The following PTPRS variants were observed in gnomAD, a reference collection of about 807,000 sequenced individuals.
PTPRS encodes the protein protein tyrosine phosphatase receptor type S.
PTPRS carries 63 observed loss-of-function variants against 215.3 expected under a neutral mutation model. That is an observed-to-expected ratio of 0.29 (90% CI 0.24 to 0.36). The LOEUF (loss-of-function observed/expected upper bound fraction) is 0.36, where lower values mean the gene tolerates loss of function less well. PTPRS is among the 10% of genes least tolerant of loss of function. The pLI is 1.00. For missense variants in PTPRS, 2,258 were observed against 2,825.8 expected (o/e 0.80, Z 4.56); for synonymous variants, 1,404 against 1,191.4 (o/e 1.18, Z -3.68).
intron 9 of PTPRS, among the ~76,000 whole-genome samples, chr19:5,246,706 C>T (rs10415488): frequency 0.63 from 95,817 of 151,986 alleles, 30,517 homozygotes; most frequent in East Asian, 0.72. Context: ...CCCCAGTGAC[C>T]TGGGGCCCTG....
chr19:5,218,503 T>G lies in PTPRS; in HGVS notation c.3965A>C (p.Lys1322Thr). The G allele has an allele frequency of 6.2e-7, 1 of 1,614,110 alleles. No homozygotes were observed. Among genetic ancestry groups the G allele is most frequent in the Non-Finnish European group, 8.5e-7 (1 of 1,180,014 alleles). The change falls in exon 25 of 38, where the codon AAA becomes ACA. Residue 1322 changes from lysine to threonine, a missense_variant. Transcript: ENST00000262963. ...SKRKDSEPRT[K>T]CLLNNADLAP... ...GAGGTCGGCATTGTTCAGGAGGCAT[T>G]TGGTGCGGGGTTCTGAGTCCTTGCG... is the stretch of plus-strand genomic sequence containing the variant.
intron 33 of PTPRS, among the ~76,000 whole-genome samples, chr19:5,211,292 G>A (rs73543252): frequency 0.018 from 2,808 of 152,246 alleles, 78 homozygotes; most frequent in African/African-American, 0.061. Context: ...CCCCACCCAG[G>A]CAGTACCAGT....
At chr19:5,212,532 C>G in intron 30 of PTPRS, 41 bp from the exon 31 acceptor site, 1 of 1,544,934 alleles carries the variant, frequency 6.5e-7, no homozygotes, top group Middle Eastern at 1.7e-4. Context: ...CCGGCTCAAC[C>G]TGCCACCCAT....
intron 9 of PTPRS, among the ~76,000 whole-genome samples, chr19:5,249,355 A>G (rs1399021595): frequency 6.6e-6 from 1 of 152,176 alleles, no homozygotes; most frequent in African/African-American, 2.4e-5. Flanking sequence ...AACGAAATGG[A>G]AACAGTAAGA....
At position 5,229,351 on chromosome 19, in the gene PTPRS, G is replaced by A. The variant is rs772672236; in HGVS notation, c.2350-9C>T. 60 of 1,378,296 alleles carry A rather than the reference G, an allele frequency of 4.4e-5. No homozygotes were observed. The highest frequency in any genetic ancestry group is 4.8e-5 in the Non-Finnish European group (51 of 1,061,064). 85.4% of individuals were successfully genotyped at this position (1,378,296 alleles called of 1,614,324 possible). On this transcript the variant is annotated splice_polypyrimidine_tract_variant and intron_variant, in intron 15 of 37. Transcript: ENST00000262963. ...GTGTCATCCGTCTCCCACTGAGCGC[G>A]GGAGGAGGCGGCAGGGGAGAGAGGA...
intron 1 of PTPRS, among the ~76,000 whole-genome samples, chr19:5,309,138 GGAGA>G (rs1395955841): frequency 6.6e-6 from 1 of 152,152 alleles, no homozygotes; most frequent in Non-Finnish European, 1.5e-5. Flanking sequence ...CTCCGGGGGT[GGAGA>G]GAGAAGGGAG....
rs1485744651 is a variant in PTPRS at position 5,286,034 on chromosome 19, C to T, written c.91+16G>A. The T allele has an allele frequency of 3.7e-6, 6 of 1,609,096 alleles. No homozygotes were observed. The highest frequency in any genetic ancestry group is 5.1e-6 in the Non-Finnish European group (6 of 1,176,128). Reference sequence around the variant, plus strand: ...CAAACACGCAGACCCCTGCACATCCCGTGCCGGCTTCTTACCTTCTGCTGC... The same window carrying T: ...CAAACACGCAGACCCCTGCACATCCTGTGCCGGCTTCTTACCTTCTGCTGC... On this transcript the variant is annotated intron_variant, in intron 2 of 37. Transcript: ENST00000262963.
At chr19:5,265,542 G>A (rs981551047) in intron 4 of PTPRS, among the ~76,000 whole-genome samples, 1 of 152,044 alleles carries the variant, frequency 6.6e-6, no homozygotes, top group African/African-American at 2.4e-5. Flanking sequence ...GGGTCTCGCT[G>A]TGTTGTCCAG....
At position 5,339,656 on chromosome 19, in the gene PTPRS, A is replaced by G. The variant is rs1400593584; in HGVS notation, c.-95+1008T>C. 6.6e-6 allele frequency among the ~76,000 whole-genome samples: 1 copy of G among 151,804 alleles called. No individual in the cohort carries two copies. The highest frequency in any genetic ancestry group is 1.5e-5 in the Non-Finnish European group (1 of 67,886). Reference sequence around the variant, plus strand: ...GCAACCTGGCCGAACCCTCGCACCCACGGCGCGGGCACTCTAACCTGGGGG... The same window carrying G: ...GCAACCTGGCCGAACCCTCGCACCCGCGGCGCGGGCACTCTAACCTGGGGG... On this transcript the variant is annotated intron_variant, in intron 1 of 37. Coordinates refer to ENST00000262963, the MANE Select transcript of PTPRS (RefSeq NM_002850.4). The surrounding 1 kb of genome is among the most constrained non-coding windows in gnomAD (Gnocchi z 4.2).
At chr19:5,266,403 T>C (rs2046400373) in intron 4 of PTPRS, among the ~76,000 whole-genome samples, 1 of 152,310 alleles carries the variant, frequency 6.6e-6, no homozygotes, top group Middle Eastern at 3.4e-3. Flanking sequence ...ACAGGTATTT[T>C]ACAGGTATGA....
chr19:5,260,779 G>T, intron 7 of PTPRS, 26 bp downstream of exon 7: 1 of 1,613,352 alleles, frequency 6.2e-7, no homozygotes, highest in Non-Finnish European at 8.5e-7. Context: ...GAGCGTGAGT[G>T]GGTGGGTGAG....
At position 5,210,286 on chromosome 19, in the gene PTPRS, G is replaced by T. The variant is rs2040750895; in HGVS notation, c.5487+183C>A. Among the ~76,000 whole-genome samples the T allele has an allele frequency of 6.6e-6, 1 of 152,200 alleles. No homozygotes were observed. Among genetic ancestry groups the T allele is most frequent in the Non-Finnish European group, 1.5e-5 (1 of 68,040 alleles). On this transcript the variant is annotated intron_variant, in intron 35 of 37. Coordinates refer to ENST00000262963, the MANE Select transcript of PTPRS (RefSeq NM_002850.4). This position sits in a 1 kb window ranked among gnomAD's most constrained non-coding sequence, Gnocchi z 4.5. ...GGAGACACTGCAGGGTCAGCACAGA[G>T]ATAAGACCCTCTCTTCCACCTATGT...
At chr19:5,308,414 CT>C (rs1165632630) in intron 1 of PTPRS, among the ~76,000 whole-genome samples, 6 of 152,224 alleles carry the variant, frequency 3.9e-5, no homozygotes, top group African/African-American at 1.4e-4. Flanking sequence ...GCATCAGTCA[CT>C]ATAGTGTCCC....
chr19:5,244,109 G>A lies in PTPRS; in HGVS notation c.1362C>T (p.Asn454=), dbSNP rs575771724. The A allele has an allele frequency of 1.9e-5, 31 of 1,608,438 alleles. No homozygotes were observed. In the South Asian group the frequency reaches 2.6e-4, roughly 14 times the overall value. Reference sequence around the variant, plus strand: ...AGACGCGGTAGCCGCGGATCAGGCCGTTGGGCTCCACCGGCTCCTCCCACT... The same window carrying A: ...AGACGCGGTAGCCGCGGATCAGGCCATTGGGCTCCACCGGCTCCTCCCACT... ...IVQWEEPVEP[N]GLIRGYRVYY... The change falls in exon 11 of 38, where the codon AAC becomes AAT. Residue 454 remains asparagine, a synonymous_variant. Coordinates refer to ENST00000262963, the MANE Select transcript of PTPRS (RefSeq NM_002850.4). The surrounding 1 kb of genome is among the most constrained non-coding windows in gnomAD (Gnocchi z 7.2).
At position 5,229,641 on chromosome 19, in the gene PTPRS, G is replaced by A. The variant is rs1458435351; in HGVS notation, c.2199C>T (p.Asn733=). The part of the protein sequence containing the change: ...PPRKVEAEAL[N]ATAIRVLWRS... The stretch of plus-strand genomic sequence containing the variant: ...GCCACAGCACGCGGATGGCCGTGGC[G>A]TTGAGCGCCTCCGCCTCCACCTTCC... Residue 733 remains asparagine, a synonymous_variant, in exon 15 of 38, where the codon AAC becomes AAT. Transcript: ENST00000262963. 13 of 1,334,136 alleles carry A rather than the reference G, an allele frequency of 9.7e-6. No homozygotes were observed. Among genetic ancestry groups the A allele is most frequent in the South Asian group, 2.0e-5 (1 of 49,154 alleles). The allele number at this position is 1,334,136 out of a possible 1,614,324, so 82.6% of individuals were successfully genotyped here.
rs921961640 is a variant in PTPRS, at chr19:5,206,318, TGA to T, written c.*454_*455del. The T allele has an allele frequency of 2.2e-5, 5 of 230,876 alleles. No homozygotes were observed. The highest frequency in any genetic ancestry group is 8.9e-5 in the African/African-American group (4 of 44,878). 14.3% of individuals were successfully genotyped at this position (230,876 alleles called of 1,614,324 possible). ...GAAATGTCACGGGATACAGTTACAC[TGA>T]GAGTTTTAAAAGAAAGCTGGATTCT... On this transcript the variant is annotated 3_prime_UTR_variant, in exon 38 of 38. Coordinates refer to ENST00000262963, the MANE Select transcript of PTPRS (RefSeq NM_002850.4).
chr19:5,224,459 T>C (rs7251802), intron 17 of PTPRS, among the ~76,000 whole-genome samples: 17,200 of 152,144 alleles, frequency 0.11, 1,270 homozygotes, highest in African/African-American at 0.2. Context: ...CCATGGGACA[T>C]AAAGAAATCC....
At position 5,225,772 on chromosome 19, in the gene PTPRS, C is replaced by T. The variant is rs1159864455; in HGVS notation, c.2449G>A (p.Asp817Asn). 4 of 1,613,952 alleles carry T rather than the reference C, an allele frequency of 2.5e-6. No individual in the cohort carries two copies. Among genetic ancestry groups the T allele is most frequent in the East Asian group, 2.2e-5 (1 of 44,880 alleles). ...ITVAAYTMKG[D>N]GARSKPKVVV... ...ACCTTGGGTTTGCTGCGAGCGCCAT[C>T]GCCCTTCATGGTGTAGGCGGCTACC... The change falls in exon 17 of 38, where the codon GAT (aspartate) becomes AAT (asparagine). Residue 817 changes from aspartate (D) to asparagine (N), a missense_variant. By Grantham distance (23) the Asp-to-Asn change is conservative (BLOSUM62 1). This residue lies in a region of PTPRS where 371 missense variants were observed against 446.7 expected (regional missense o/e 0.83). Transcript: ENST00000262963.
rs901921440 is a variant in PTPRS, at chr19:5,219,162, T to C, written c.3923+148A>G. ...CTGCCATTCCCATGCTGTGTGACCT[T>C]GATCAAGTGGCTTAACCTCTCTGAA... On this transcript the variant is annotated intron_variant, in intron 23 of 37. Transcript: ENST00000262963. 1.0e-5 allele frequency: 11 copies of C among 1,092,130 alleles called. No individual in the cohort carries two copies. In the East Asian group the frequency reaches 1.3e-4, roughly 13 times the overall value. The allele number at this position is 1,092,130 out of a possible 1,614,324, so 67.7% of individuals were successfully genotyped here.
Sources: gnomAD v4.1 joint callset for allele counts (sites outside exome capture counted in the v4.1 genomes callset) on GRCh38, gnomAD v4.1.1 for gene constraint, gnomAD v4.1.1 regional missense constraint, Gnocchi (gnomAD v3.1) non-coding constraint, MANE v1.5 for transcripts, NCBI Gene and HGNC (gene_info 2026-07-23, HGNC 2026-07-21) for gene names.